The following GRM7 variants were observed in gnomAD, a reference collection of about 807,000 sequenced individuals.
GRM7 encodes the protein glutamate metabotropic receptor 7, also known as metabotropic glutamate receptor 7.
GRM7 carries 35 observed loss-of-function variants against 84.5 expected under a neutral mutation model. The observed-to-expected ratio is 0.41, with a 90% CI of 0.32 to 0.55. The LOEUF is 0.55. Among genes scored for constraint, GRM7 ranks in the 20% least tolerant of loss-of-function variants. The probability of loss-of-function intolerance (pLI) is 0.19; values close to 1 mark genes in which losing one functional copy is unlikely to be tolerated. For synonymous variants in GRM7, 487 were observed against 455.1 expected (o/e 1.07, Z -0.89); for missense variants, 1,003 against 1,194.6 (o/e 0.84, Z 2.36).
chr3:7,143,019 T>C (rs1221066712), intron 1 of GRM7, among the ~76,000 whole-genome samples: 1 of 152,172 alleles, frequency 6.6e-6, no homozygotes, highest in South Asian at 2.1e-4. Context: ...TCTCTTTTTA[T>C]ATAGCTGCAG....
At position 7,351,361 on chromosome 3, in the gene GRM7, AAAC is replaced by A. The variant is rs1388226999; in HGVS notation, c.1033+44713_1033+44715del. Among the ~76,000 whole-genome samples, 369 of 149,104 alleles carry A rather than the reference AAAC, an allele frequency of 2.5e-3. 2 individuals carry two copies. Among genetic ancestry groups the A allele is most frequent in the African/African-American group, 8.6e-3 (336 of 39,288 alleles). ...GGCGAAAAAAAAAAAAAAAAAAAAA[AAAC>A]AACTGACTTATAAACTGACCCAACC... On this transcript the variant is annotated intron_variant, in intron 4 of 9. Coordinates refer to ENST00000357716, the MANE Select transcript of GRM7 (RefSeq NM_000844.4).
At chr3:6,944,490 A>G (rs548072440) in intron 1 of GRM7, among the ~76,000 whole-genome samples, 8 of 152,256 alleles carry the variant, frequency 5.3e-5, no homozygotes, top group South Asian at 4.1e-4. Flanking sequence ...ATTGCTTTCC[A>G]AATGCTGAGC....
intron 4 of GRM7, among the ~76,000 whole-genome samples, chr3:7,308,671 T>A (rs9849147): frequency 0.66 from 100,102 of 151,990 alleles, 34,316 homozygotes; most frequent in African/African-American, 0.85. Flanking sequence ...CATTGGAAGG[T>A]TTAGAAGTTC....
At chr3:7,595,533 G>C (rs1007921981) in intron 8 of GRM7, among the ~76,000 whole-genome samples, 3 of 152,174 alleles carry the variant, frequency 2.0e-5, no homozygotes, top group African/African-American at 7.2e-5. Flanking sequence ...GGGAGAGTGA[G>C]AGAGTGGTTA....
chr3:7,623,898 A>C (rs1697482903), intron 8 of GRM7, among the ~76,000 whole-genome samples: 1 of 152,146 alleles, frequency 6.6e-6, no homozygotes, highest in South Asian at 2.1e-4. Flanking sequence ...TAGAAGGGCA[A>C]TGTACAAAAT....
chr3:7,311,837 C>T (rs570302693), intron 4 of GRM7, among the ~76,000 whole-genome samples: 23 of 152,180 alleles, frequency 1.5e-4, no homozygotes, highest in African/African-American at 4.8e-4. Context: ...TCAAGTCATC[C>T]GCCAGCCTCA....
chr3:7,472,931 C>T (rs530421818), intron 7 of GRM7, among the ~76,000 whole-genome samples: 11 of 152,212 alleles, frequency 7.2e-5, no homozygotes, highest in African/African-American at 2.4e-4. Context: ...ACAAAGCATA[C>T]GTGCAGACCG....
At chr3:7,618,099 G>C (rs1697188763) in intron 8 of GRM7, among the ~76,000 whole-genome samples, 1 of 152,066 alleles carries the variant, frequency 6.6e-6, no homozygotes. Context: ...TCAGAGGCAG[G>C]CAAACAAGTG....
chr3:7,383,934 T>G (rs1484671201), intron 4 of GRM7, among the ~76,000 whole-genome samples: 1 of 152,194 alleles, frequency 6.6e-6, no homozygotes, highest in East Asian at 1.9e-4. Flanking sequence ...AAATTCTCAC[T>G]AGGTAGAAAC....
chr3:7,438,980 A>G (rs1412020800), intron 5 of GRM7, among the ~76,000 whole-genome samples: 1 of 152,198 alleles, frequency 6.6e-6, no homozygotes, highest in Non-Finnish European at 1.5e-5. Context: ...CAATGTATAG[A>G]TGTAGAATTC....
chr3:7,388,050 C>CATTAT (rs926551339), intron 4 of GRM7, among the ~76,000 whole-genome samples: 1 of 151,816 alleles, frequency 6.6e-6, no homozygotes, highest in African/African-American at 2.4e-5. Flanking sequence ...TTTTCGTGGC[C>CATTAT]ATTATAAATG....
intron 2 of GRM7, among the ~76,000 whole-genome samples, chr3:7,261,307 T>C (rs1300699722): frequency 6.6e-6 from 1 of 152,222 alleles, no homozygotes; most frequent in Non-Finnish European, 1.5e-5. Flanking sequence ...TTCCATGTAA[T>C]TTTATGGTTT....
chr3:7,409,438 G>C (rs1436416040), intron 4 of GRM7, among the ~76,000 whole-genome samples: 1 of 150,710 alleles, frequency 6.6e-6, no homozygotes, highest in East Asian at 2.0e-4. Flanking sequence ...TCTTTTTTTG[G>C]GGGGTGGGGG....
At chr3:7,199,980 G>T (rs1301330854) in intron 2 of GRM7, among the ~76,000 whole-genome samples, 1 of 152,206 alleles carries the variant, frequency 6.6e-6, no homozygotes, top group Middle Eastern at 3.2e-3. Context: ...CTACAGGCTG[G>T]GAAGTTCAAG....
In GRM7 at chr3:7,080,157, C is replaced by T. The variant is rs538508580; in HGVS notation, c.520-66295C>T. Among the ~76,000 whole-genome samples the T allele has an allele frequency of 4.6e-5, 7 of 152,116 alleles. No homozygotes were observed. In the South Asian group the frequency reaches 1.5e-3, roughly 32 times the overall value. The stretch of plus-strand genomic sequence containing the variant: ...CACAAACCTCTCCGAACTGTCTTTC[C>T]CCCAGAAAACTAATCCAAAAATATG... On this transcript the variant is annotated intron_variant, in intron 1 of 9. Coordinates refer to ENST00000357716, the MANE Select transcript of GRM7 (RefSeq NM_000844.4).
rs186440831 is a variant in GRM7, at chr3:6,874,902, T to A, written c.519+12995T>A. ...TATTTCCTTCTTAAGAATCCCCACA[T>A]GTTCCTTTCTGTTAGTTACCTTGAC... On this transcript the variant is annotated intron_variant, in intron 1 of 9. Transcript: ENST00000357716. Among the ~76,000 whole-genome samples, 410 of 152,338 alleles carry A rather than the reference T, an allele frequency of 2.7e-3. 1 individual carries two copies. Among genetic ancestry groups the A allele is most frequent in the Non-Finnish European group, 3.5e-3 (239 of 68,034 alleles).
chr3:7,585,453 T>C (rs1403877642), intron 8 of GRM7, among the ~76,000 whole-genome samples: 5 of 151,730 alleles, frequency 3.3e-5, no homozygotes, highest in Admixed American at 1.3e-4. Context: ...TTAGCTAGAA[T>C]AGCTACTTTA....
chr3:7,108,703 C>A (rs930295734), intron 1 of GRM7, among the ~76,000 whole-genome samples: 7 of 151,966 alleles, frequency 4.6e-5, no homozygotes, highest in African/African-American at 1.5e-4. Flanking sequence ...ACAGCTACTT[C>A]GGGCAAGTAA....
intron 1 of GRM7, among the ~76,000 whole-genome samples, chr3:6,958,095 G>GTA (rs1553601427): frequency 4.9e-4 from 74 of 151,552 alleles, no homozygotes; most frequent in Admixed American, 1.2e-3. Flanking sequence ...GTGTGTGTGT[G>GTA]TATATATATA....
Sources: allele counts gnomAD v4.1 joint callset (sites outside exome capture counted in the v4.1 genomes callset), GRCh38; gene constraint gnomAD v4.1.1; transcripts MANE v1.5; gene names NCBI Gene and HGNC (gene_info 2026-07-23, HGNC 2026-07-21).